PATL2: variants seen among roughly 807,000 people sequenced by gnomAD.
PATL2 encodes PAT1 homolog 2, also known as protein PAT1 homolog 2.
A neutral mutation model predicts 77.0 loss-of-function variants in PATL2; 73 were observed. That is an observed-to-expected ratio of 0.95 (90% CI 0.78 to 1.15). The LOEUF is 1.15. PATL2 is among the 50% of genes most tolerant of loss of function. The probability of loss-of-function intolerance (pLI) is 0.00; values close to 1 mark genes in which losing one functional copy is unlikely to be tolerated. For missense variants in PATL2, 618 were observed against 655.4 expected (o/e 0.94, Z 0.62); for synonymous variants, 265 against 257.1 (o/e 1.03, Z -0.29).
chr15:44,674,234 GAAC>G lies in PATL2; in HGVS notation c.223-7_223-5del, dbSNP rs1276804903. 1 of 1,539,668 alleles carries G rather than the reference GAAC, an allele frequency of 6.5e-7. No individual in the cohort carries two copies. Among genetic ancestry groups the G allele is most frequent in the East Asian group, 2.5e-5 (1 of 40,718 alleles). Reference sequence around the variant, plus strand: ...CAGGGGAGCTAAGCAGAGCTCTCTGGAACAGGAGGGAGGAAAAACCAGGCTCAA... The same window carrying G: ...CAGGGGAGCTAAGCAGAGCTCTCTGGAGGAGGGAGGAAAAACCAGGCTCAA... On this transcript the variant is annotated splice_polypyrimidine_tract_variant and splice_region_variant and intron_variant, in intron 5 of 17. Transcript: ENST00000682850.
At chr15:44,692,070 T>C (rs1384694354) in intron 3 of PATL2, among the ~76,000 whole-genome samples, 1 of 152,090 alleles carries the variant, frequency 6.6e-6, no homozygotes, top group African/African-American at 2.4e-5. Context: ...ACAATATAGA[T>C]CTCTATTATT....
In PATL2 at chr15:44,670,062, T is replaced by G. The variant is rs1288032330; in HGVS notation, c.683A>C (p.Lys228Thr). The G allele has an allele frequency of 6.4e-7, 1 of 1,551,520 alleles. No individual in the cohort carries two copies. Reference protein sequence around the residue: ...YQEYYQKLEKKQADEELLGRR... With the variant: ...YQEYYQKLEKTQADEELLGRR... ...TCCAAGTAGCTCTTCGTCTGCCTGC[T>G]TCTTCTCTAGCTTCTGGTAATATTC... The change falls in exon 10 of 18, where the codon AAG becomes ACG. Residue 228 changes from lysine (K) to threonine (T), a missense_variant. Coordinates refer to ENST00000682850, the MANE Select transcript of PATL2 (RefSeq NM_001387263.1).
chr15:44,710,707 T>C (rs1299990293), intron 2 of PATL2, among the ~76,000 whole-genome samples, 164 bp downstream of exon 2: 1 of 152,156 alleles, frequency 6.6e-6, no homozygotes, highest in African/African-American at 2.4e-5. Flanking sequence ...GTTTACTGAG[T>C]ACCTACTATG....
Position 44,671,104 on chromosome 15 carries a change from G to A in PATL2, c.657+911C>T, listed in dbSNP as rs183824154. Among the ~76,000 whole-genome samples the A allele has an allele frequency of 7.1e-3, 1,078 of 152,342 alleles. 6 individuals are homozygous for A. The highest frequency in any genetic ancestry group is 0.012 in the Non-Finnish European group (811 of 68,040). The stretch of plus-strand genomic sequence containing the variant: ...TCGCAGAAAAAGGAGGGCTTTTGAA[G>A]CTTGGTGGAAAGAAAGGAAAAATAC... On this transcript the variant is annotated intron_variant, in intron 9 of 17. Transcript: ENST00000682850.
rs527797082 is a variant in PATL2 at position 44,691,983 on chromosome 15, C to T, written c.-75-15418G>A. On this transcript the variant is annotated intron_variant, in intron 3 of 17. Transcript: ENST00000682850. ...CCTGAATTATAATAGGGAAAAACTGCGAACATCTTCAATACAGGATTAGGT... is the reference window on the plus strand; with the variant it reads ...CCTGAATTATAATAGGGAAAAACTGTGAACATCTTCAATACAGGATTAGGT... Among the ~76,000 whole-genome samples the T allele has an allele frequency of 8.6e-4, 131 of 152,032 alleles. 1 individual carries two copies. The highest frequency in any genetic ancestry group is 2.8e-3 in the African/African-American group (118 of 41,462).
At chr15:44,675,843 G>A (rs765249790) in intron 4 of PATL2, 152 bp from the exon 5 acceptor site, 15 of 668,792 alleles carry the variant, frequency 2.2e-5, no homozygotes, top group East Asian at 1.4e-4. Flanking sequence ...GGTTTAACTC[G>A]GCCTCCCTTC....
chr15:44,672,254 G>A (rs2085725321), intron 8 of PATL2, 98 bp from the exon 9 acceptor site: 2 of 1,539,034 alleles, frequency 1.3e-6, no homozygotes, highest in South Asian at 2.4e-5. Context: ...GAAGGATGGA[G>A]CAAGCACAGA....
In PATL2 at chr15:44,673,261, C is replaced by T. The variant is rs749594352; in HGVS notation, c.420G>A (p.Leu140=). Residue 140 remains leucine, a synonymous_variant, in exon 7 of 18, where the codon CTG becomes CTA. Coordinates refer to ENST00000682850, the MANE Select transcript of PATL2 (RefSeq NM_001387263.1). ...PSPDPTLFCS[L]LTSWPPRFSH... The stretch of plus-strand genomic sequence containing the variant: ...TGAACCTAGGGGGCCACGAGGTCAG[C>T]AGGCTGCAGAAGAGAGTTGGGTCTG... 1 of 1,551,604 alleles carries T rather than the reference C, an allele frequency of 6.4e-7. No homozygotes were observed. Among genetic ancestry groups the T allele is most frequent in the South Asian group, 1.2e-5 (1 of 84,060 alleles).
At chr15:44,695,577 T>G (rs2086486642) in intron 3 of PATL2, among the ~76,000 whole-genome samples, 1 of 152,206 alleles carries the variant, frequency 6.6e-6, no homozygotes, top group South Asian at 2.1e-4. Flanking sequence ...TCCTAAAGCC[T>G]GAGTATAAAA....
At chr15:44,684,499 G>A (rs1057494695) in intron 3 of PATL2, among the ~76,000 whole-genome samples, 3 of 151,328 alleles carry the variant, frequency 2.0e-5, no homozygotes, top group African/African-American at 4.9e-5. Context: ...GAATACCGGC[G>A]ATTGAAGATC....
In PATL2 at chr15:44,665,838, A is replaced by G. The variant is rs17515639; in HGVS notation, c.*115T>C. 0.014 allele frequency: 21,395 copies of G among 1,539,950 alleles called. 182 individuals are homozygous for G. The highest frequency in any genetic ancestry group is 0.019 in the Admixed American group (893 of 47,022). ...TATGAAAATGGGGAAGGGTTCTCCA[A>G]TATATAAAGGCATAAGAAATGTCTT... On this transcript the variant is annotated 3_prime_UTR_variant, in exon 18 of 18. Transcript: ENST00000682850.
intron 3 of PATL2, among the ~76,000 whole-genome samples, chr15:44,694,245 T>C (rs1890776447): frequency 6.6e-6 from 1 of 152,110 alleles, no homozygotes; most frequent in Non-Finnish European, 1.5e-5. Context: ...ACTTGCAGAA[T>C]GTTGGATGAG....
At chr15:44,683,205 T>A (rs2086172773) in intron 3 of PATL2, among the ~76,000 whole-genome samples, 1 of 151,920 alleles carries the variant, frequency 6.6e-6, no homozygotes, top group Non-Finnish European at 1.5e-5. Context: ...TTTTTTTTCA[T>A]ACCCCAGTGG....
rs1333834137 is a variant in PATL2, at chr15:44,673,326, T to G, written c.355A>C (p.Ser119Arg). The G allele has an allele frequency of 3.2e-6, 5 of 1,551,490 alleles. No homozygotes were observed. In the Admixed American group the frequency reaches 5.9e-5, roughly 18 times the overall value. ...GGTCCAAAGTGCTGTGCTGGAGAGC[T>G]GGTGCTGGGAAATGTAGGCCAGAAA... ...IPFWPTFPST[S>R]SPAQHFGPRL... Residue 119 changes from serine to arginine, a missense_variant, in exon 7 of 18, where the codon AGC (serine) becomes CGC (arginine). Transcript: ENST00000682850.
chr15:44,697,899 T>C (rs1047087437), intron 3 of PATL2, among the ~76,000 whole-genome samples: 3 of 151,992 alleles, frequency 2.0e-5, no homozygotes, highest in Non-Finnish European at 2.9e-5. Context: ...CCCACTTTTT[T>C]TTTATTATTA....
At chr15:44,706,959 A>G (rs1022690002) in intron 3 of PATL2, among the ~76,000 whole-genome samples, 2 of 152,184 alleles carry the variant, frequency 1.3e-5, no homozygotes, top group Non-Finnish European at 2.9e-5. Context: ...CTGGCACCCA[A>G]GCCACAAGAC....
intron 16 of PATL2, 91 bp from the exon 17 acceptor site, chr15:44,666,632 A>G: frequency 2.3e-6 from 3 of 1,323,684 alleles, no homozygotes; most frequent in East Asian, 5.1e-5. Flanking sequence ...CGTTACTACT[A>G]CCATTGTCCC....
intron 16 of PATL2, 102 bp downstream of exon 16, chr15:44,667,004 T>G: frequency 1.1e-6 from 1 of 910,010 alleles, no homozygotes. Context: ...CTATCCAACC[T>G]CTTCCTCAGT....
intron 3 of PATL2, among the ~76,000 whole-genome samples, chr15:44,691,110 G>A (rs1274894697): frequency 6.6e-6 from 1 of 151,666 alleles, no homozygotes; most frequent in East Asian, 1.9e-4. Flanking sequence ...TTTTTTAACT[G>A]ATATTTTATG....
Sources: allele counts gnomAD v4.1 joint callset (sites outside exome capture counted in the v4.1 genomes callset), GRCh38; gene constraint gnomAD v4.1.1; transcripts MANE v1.5; gene names NCBI Gene and HGNC (gene_info 2026-07-23, HGNC 2026-07-21).